Variants in ALMS1 observed in about 807,000 individuals in gnomAD.
ALMS1 encodes the protein centrosome-associated protein ALMS1.
A neutral mutation model predicts 352.2 loss-of-function variants in ALMS1; 271 were observed. The observed-to-expected ratio is 0.77, with a 90% CI of 0.70 to 0.85. The LOEUF is 0.85. ALMS1 is among the 40% of genes least tolerant of loss of function. ALMS1 has a pLI of 0.00. For synonymous variants in ALMS1, 1,865 were observed against 1,761.2 expected (o/e 1.06, Z -1.48); for missense variants, 5,445 against 4,870.7 (o/e 1.12, Z -3.51).
intron 10 of ALMS1, 26 bp from the exon 11 acceptor site, chr2:73,519,749 C>A (rs749867497): frequency 1.2e-6 from 2 of 1,613,640 alleles, no homozygotes; most frequent in Non-Finnish European, 1.7e-6. Context: ...ATATAATCTG[C>A]TGTATTCTTT....
At chr2:73,402,947 A>G (rs1364694718) in intron 1 of ALMS1, among the ~76,000 whole-genome samples, 2 of 152,030 alleles carry the variant, frequency 1.3e-5, no homozygotes, top group African/African-American at 2.4e-5. Context: ...TCCTTATCAG[A>G]TATATGGTTT....
intron 1 of ALMS1, among the ~76,000 whole-genome samples, chr2:73,387,973 A>G (rs959380723): frequency 4.5e-4 from 69 of 152,024 alleles, no homozygotes; most frequent in African/African-American, 1.5e-3. Flanking sequence ...GTGTTAGGTT[A>G]TTGTTTGAAT....
rs1313030064 is a variant in ALMS1 at position 73,386,030 on chromosome 2, G to A, written c.162G>A (p.Leu54=). Residue 54 remains leucine (L), a synonymous_variant, in exon 1 of 23, where the codon TTG becomes TTA. Transcript: ENST00000613296. Reference sequence around the variant, plus strand: ...TGGAGGAAGAGGCGGGGCGGGAGTTGGACTCCGACTCTCACTACGGGCCCC... The same window carrying A: ...TGGAGGAAGAGGCGGGGCGGGAGTTAGACTCCGACTCTCACTACGGGCCCC... ...EEVEEEAGRE[L]DSDSHYGPQH... The A allele has an allele frequency of 1.5e-5, 24 of 1,558,558 alleles. No individual in the cohort carries two copies. Among genetic ancestry groups the A allele is most frequent in the Non-Finnish European group, 2.0e-5 (23 of 1,151,468 alleles).
intron 9 of ALMS1, among the ~76,000 whole-genome samples, chr2:73,460,355 T>C (rs1672162735): frequency 6.6e-6 from 1 of 152,236 alleles, no homozygotes; most frequent in African/African-American, 2.4e-5. Flanking sequence ...AAATTATATC[T>C]ATCTAGAATT....
At chr2:73,499,854 G>A (rs915511921) in intron 10 of ALMS1, among the ~76,000 whole-genome samples, 5 of 152,034 alleles carry the variant, frequency 3.3e-5, no homozygotes, top group Non-Finnish European at 7.4e-5. Context: ...GTTTAAAAAA[G>A]AATGACTCCC....
chr2:73,515,623 C>G (rs761759003), intron 10 of ALMS1, among the ~76,000 whole-genome samples: 1 of 151,834 alleles, frequency 6.6e-6, no homozygotes, highest in Non-Finnish European at 1.5e-5. Context: ...AAAATCCATA[C>G]AAAAGATTAA....
chr2:73,465,595 A>G (rs1469021121), intron 9 of ALMS1, among the ~76,000 whole-genome samples: 3 of 152,344 alleles, frequency 2.0e-5, no homozygotes, highest in Non-Finnish European at 2.9e-5. Context: ...CTTCATGTCT[A>G]AAACACCAAA....
intron 22 of ALMS1, among the ~76,000 whole-genome samples, chr2:73,609,328 A>G (rs1324462713): frequency 6.6e-6 from 1 of 152,208 alleles, no homozygotes; most frequent in Non-Finnish European, 1.5e-5. Flanking sequence ...GTATGTGGGA[A>G]CTGATGGATT....
chr2:73,414,473 G>GTTTTTTTTTTTTTTTTTT (rs61660489), intron 2 of ALMS1, among the ~76,000 whole-genome samples: 2 of 66,416 alleles, frequency 3.0e-5, no homozygotes, highest in Non-Finnish European at 6.4e-5. Flanking sequence ...CTTTTTTTCC[G>GTTTTTTTTTTTTTTTTTT]TTTTTTTTTT....
intron 10 of ALMS1, among the ~76,000 whole-genome samples, chr2:73,492,740 T>C (rs1400625771): frequency 6.6e-6 from 1 of 152,152 alleles, no homozygotes; most frequent in African/African-American, 2.4e-5. Flanking sequence ...TCAGTAATGA[T>C]ACCTTTAAAA....
intron 10 of ALMS1, among the ~76,000 whole-genome samples, chr2:73,495,713 T>C (rs1392225854): frequency 6.6e-6 from 1 of 152,188 alleles, no homozygotes; most frequent in African/African-American, 2.4e-5. Flanking sequence ...CTGTATCTTT[T>C]AACGTGTGTG....
At chr2:73,532,629 G>C (rs1449727234) in intron 11 of ALMS1, among the ~76,000 whole-genome samples, 1 of 152,110 alleles carries the variant, frequency 6.6e-6, no homozygotes, top group Non-Finnish European at 1.5e-5. Context: ...CAGGGCAATG[G>C]CCTCCCTTCT....
intron 16 of ALMS1, chr2:73,573,712 A>T: frequency 1.7e-6 from 1 of 591,658 alleles, no homozygotes; most frequent in Non-Finnish European, 3.0e-6. Context: ...GGTTAGAATG[A>T]TCTCTATCCT....
intron 16 of ALMS1, among the ~76,000 whole-genome samples, chr2:73,580,898 GA>G (rs1675163205): frequency 6.6e-6 from 1 of 151,160 alleles, no homozygotes; most frequent in South Asian, 2.1e-4. Context: ...AAAAGCAAAA[GA>G]AAAAAGAAAA....
In ALMS1 at chr2:73,452,404, T is replaced by A. The variant is rs757511695; in HGVS notation, c.5877T>A (p.His1959Gln). ...VISQQELPDS[H>Q]LTEEALKVSP... Reference sequence around the variant, plus strand: ...CTCAACAGGAGTTGCCAGACAGTCATCTCACAGAAGAGGCTCTGAAAGTTT... The same window carrying A: ...CTCAACAGGAGTTGCCAGACAGTCAACTCACAGAAGAGGCTCTGAAAGTTT... The change falls in exon 8 of 23, where the codon CAT (histidine) becomes CAA (glutamine). Residue 1959 changes from histidine (H) to glutamine (Q), a missense_variant. By Grantham distance (24) the His-to-Gln change is conservative (BLOSUM62 0). Coordinates refer to ENST00000613296, the MANE Select transcript of ALMS1 (RefSeq NM_001378454.1). 52 of 1,613,920 alleles carry A rather than the reference T, an allele frequency of 3.2e-5. No individual in the cohort carries two copies. Among genetic ancestry groups the A allele is most frequent in the Non-Finnish European group, 4.3e-5 (51 of 1,180,002 alleles).
At chr2:73,458,798 G>C (rs1386414599) in intron 9 of ALMS1, 1 of 152,256 alleles carries the variant, frequency 6.6e-6, no homozygotes, top group African/African-American at 2.4e-5. Context: ...ATTGTGGAAG[G>C]CAGTGGTTCT....
rs1223077415 is a variant in ALMS1 at position 73,396,301 on chromosome 2, A to AAC, written c.324+10110_324+10111insCA. Reference sequence around the variant, plus strand: ...CATTTTATGTGTTGCCTGTCATAGAAATACACACACACACACACACACACA... The same window carrying AAC: ...CATTTTATGTGTTGCCTGTCATAGAAACATACACACACACACACACACACACA... On this transcript the variant is annotated intron_variant, in intron 1 of 22. Coordinates refer to ENST00000613296, the MANE Select transcript of ALMS1 (RefSeq NM_001378454.1). 3.6e-5 allele frequency among the ~76,000 whole-genome samples: 5 copies of AAC among 139,256 alleles called. No individual in the cohort carries two copies. In the South Asian group the frequency reaches 6.9e-4, roughly 19 times the overall value. The allele number at this position is 139,256 out of a possible 152,430, so 91.4% of individuals were successfully genotyped here. A position where few individuals can be genotyped will look rare whatever the true frequency, so the allele number is the denominator to read the frequency against.
intron 12 of ALMS1, among the ~76,000 whole-genome samples, chr2:73,545,514 A>T (rs1674295162): frequency 6.6e-6 from 1 of 151,710 alleles, no homozygotes; most frequent in African/African-American, 2.4e-5. Flanking sequence ...TACCACAGTT[A>T]AAAAAACTTA....
At chr2:73,575,642 A>G (rs1033896773) in intron 16 of ALMS1, among the ~76,000 whole-genome samples, 8 of 152,070 alleles carry the variant, frequency 5.3e-5, no homozygotes, top group African/African-American at 1.7e-4. Context: ...TGTCTTTTCA[A>G]GTCATTTGGC....
Sources: gnomAD v4.1 joint callset for allele counts (sites outside exome capture counted in the v4.1 genomes callset) on GRCh38, gnomAD v4.1.1 for gene constraint, MANE v1.5 for transcripts, NCBI Gene and HGNC (gene_info 2026-07-23, HGNC 2026-07-21) for gene names.